ELOVL6: variants seen among roughly 807,000 people sequenced by gnomAD.
ELOVL6 encodes very long chain fatty acid elongase 6.
ELOVL6 carries 8 observed loss-of-function variants against 31.7 expected under a neutral mutation model. That is an observed-to-expected ratio of 0.25 (90% CI 0.15 to 0.45). ELOVL6 has a LOEUF of 0.45. Ranked by LOEUF, ELOVL6 falls within the 20% of genes least tolerant of loss-of-function variation. The probability of loss-of-function intolerance (pLI) is 1.00; values close to 1 mark genes in which losing one functional copy is unlikely to be tolerated. For missense variants in ELOVL6, 126 were observed against 326.4 expected, an observed-to-expected ratio of 0.39 and a Z score of 4.73; for synonymous variants, 101 against 117.7, an observed-to-expected ratio of 0.86 and a Z score of 0.92.
chr4:110,193,947 C>T (rs1404952161), intron 1 of ELOVL6, among the ~76,000 whole-genome samples: 1 of 152,180 alleles, frequency 6.6e-6, no homozygotes, highest in African/African-American at 2.4e-5. Flanking sequence ...GCACAGGCCT[C>T]CTGCTTTCCT....
In ELOVL6 at chr4:110,050,410, G is replaced by C. The variant is rs1754808842; in HGVS notation, c.*928C>G. Reference sequence around the variant, plus strand: ...CCTTTTCCAGCTCACAGTGGTCCTGGGCCGGGCCTTTTTACAAATACTACA... The same window carrying C: ...CCTTTTCCAGCTCACAGTGGTCCTGCGCCGGGCCTTTTTACAAATACTACA... On this transcript the variant is annotated 3_prime_UTR_variant, in exon 4 of 4. Coordinates refer to ENST00000302274, the MANE Select transcript of ELOVL6 (RefSeq NM_024090.3). The C allele has an allele frequency of 6.6e-6, 1 of 152,232 alleles. No homozygotes were observed. The highest frequency in any genetic ancestry group is 2.4e-5 in the African/African-American group (1 of 41,388). The allele number at this position is 152,232 out of a possible 1,614,324, so 9.4% of individuals were successfully genotyped here. A position where few individuals can be genotyped will look rare whatever the true frequency, so the allele number is the denominator to read the frequency against.
At chr4:110,084,651 GTGGCGTGATCTCGGCTCAC>G (rs558508378) in intron 2 of ELOVL6, among the ~76,000 whole-genome samples, 2,191 of 129,766 alleles carry the variant, frequency 0.017, 22 homozygotes, top group Non-Finnish European at 0.025. Context: ...CTGGAGTACA[GTGGCGTGATCTCGGCTCAC>G]TGCAACCTCC....
At chr4:110,097,290 G>A (rs1756608257) in intron 2 of ELOVL6, among the ~76,000 whole-genome samples, 1 of 124,034 alleles carries the variant, frequency 8.1e-6, no homozygotes, top group African/African-American at 3.2e-5. Flanking sequence ...GGGTGACAGA[G>A]CGAGACTCCA....
chr4:110,086,471 C>T (rs2126237225), intron 2 of ELOVL6, among the ~76,000 whole-genome samples: 1 of 152,280 alleles, frequency 6.6e-6, no homozygotes, highest in African/African-American at 2.4e-5. Context: ...AGCTAGTGTT[C>T]CAACTTGTTT....
chr4:110,106,977 T>A lies in ELOVL6; in HGVS notation c.90-1349A>T, dbSNP rs147563664. Among the ~76,000 whole-genome samples the A allele has an allele frequency of 1.7e-3, 265 of 152,334 alleles. 2 individuals are homozygous for A. Among genetic ancestry groups the A allele is most frequent in the African/African-American group, 5.9e-3 (247 of 41,570 alleles). ...GAGCATGTTTCCTGAGAAAGCAATG[T>A]TTCTCTTAAAATGGGTCTTCCCTAT... On this transcript the variant is annotated intron_variant, in intron 1 of 3. Coordinates refer to ENST00000302274, the MANE Select transcript of ELOVL6 (RefSeq NM_024090.3).
intron 2 of ELOVL6, among the ~76,000 whole-genome samples, chr4:110,084,568 A>ATTTT (rs1756174048): frequency 5.1e-5 from 2 of 39,502 alleles, no homozygotes; most frequent in Admixed American, 2.5e-4. Context: ...ACACAGATAT[A>ATTTT]TATATATATA....
At chr4:110,123,346 G>C (rs912941899) in intron 1 of ELOVL6, among the ~76,000 whole-genome samples, 2 of 152,164 alleles carry the variant, frequency 1.3e-5, no homozygotes, top group East Asian at 3.8e-4. Context: ...ATCTTGAAAT[G>C]ATTTAAATTA....
intron 2 of ELOVL6, among the ~76,000 whole-genome samples, chr4:110,073,202 C>T (rs765052208): frequency 6.6e-6 from 1 of 152,164 alleles, no homozygotes; most frequent in Non-Finnish European, 1.5e-5. Flanking sequence ...CCATACCACA[C>T]GTGCCGCCAA....
intron 2 of ELOVL6, among the ~76,000 whole-genome samples, chr4:110,060,612 A>G (rs1019327613): frequency 6.6e-6 from 1 of 152,150 alleles, no homozygotes; most frequent in African/African-American, 2.4e-5. Flanking sequence ...AAGAAACACA[A>G]CCTGCCATGG....
chr4:110,155,423 C>T (rs949761981), intron 1 of ELOVL6, among the ~76,000 whole-genome samples: 1 of 151,840 alleles, frequency 6.6e-6, no homozygotes, highest in African/African-American at 2.4e-5. Context: ...TTATTATTTA[C>T]AATAGTCAGA....
At chr4:110,097,868 C>T (rs1020685892) in intron 2 of ELOVL6, among the ~76,000 whole-genome samples, 28 of 151,188 alleles carry the variant, frequency 1.9e-4, no homozygotes, top group African/African-American at 6.6e-4. Context: ...CTGTAATTTA[C>T]AAATATGGCA....
chr4:110,188,705 T>C (rs1328147508), intron 1 of ELOVL6, among the ~76,000 whole-genome samples: 1 of 151,642 alleles, frequency 6.6e-6, no homozygotes, highest in Non-Finnish European at 1.5e-5. Context: ...CTGACCAACA[T>C]GGAAGAAACC....
intron 1 of ELOVL6, among the ~76,000 whole-genome samples, chr4:110,142,093 CG>C (rs1757982484): frequency 1.8e-5 from 2 of 109,258 alleles, no homozygotes; most frequent in Non-Finnish European, 3.5e-5. Flanking sequence ...TTTTTTGAGA[CG>C]GAGTCTCGCT....
At chr4:110,182,738 G>A (rs779301201) in intron 1 of ELOVL6, among the ~76,000 whole-genome samples, 3 of 151,980 alleles carry the variant, frequency 2.0e-5, no homozygotes, top group Non-Finnish European at 4.4e-5. Flanking sequence ...GAGAAACTCC[G>A]TCTCTACTAA....
At chr4:110,059,881 C>T (rs753250591) in intron 2 of ELOVL6, 127 bp from the exon 3 acceptor site, 8 of 779,036 alleles carry the variant, frequency 1.0e-5, no homozygotes, top group South Asian at 2.1e-5. Context: ...ATTTGTATTT[C>T]CTTGAAAGCA....
intron 2 of ELOVL6, among the ~76,000 whole-genome samples, chr4:110,073,192 C>G (rs1424576777): frequency 6.6e-6 from 1 of 152,172 alleles, no homozygotes; most frequent in Non-Finnish European, 1.5e-5. Flanking sequence ...TTTATCATCT[C>G]CATACCACAC....
At chr4:110,172,171 AC>A (rs1260721187) in intron 1 of ELOVL6, among the ~76,000 whole-genome samples, 1 of 152,016 alleles carries the variant, frequency 6.6e-6, no homozygotes, top group East Asian at 1.9e-4. Flanking sequence ...GGGGATTGGG[AC>A]TTTAACCTGT....
intron 2 of ELOVL6, among the ~76,000 whole-genome samples, chr4:110,066,541 A>G (rs575193911): frequency 1.1e-4 from 17 of 149,050 alleles, no homozygotes; most frequent in African/African-American, 4.2e-4. Context: ...CGGGAGGCTG[A>G]GACAGGAGAA....
chr4:110,096,284 C>A (rs566030526), intron 2 of ELOVL6, among the ~76,000 whole-genome samples: 1 of 152,178 alleles, frequency 6.6e-6, no homozygotes, highest in East Asian at 1.9e-4. Flanking sequence ...GTTGCATGGA[C>A]CCCAGTTAAA....
Sources: allele counts gnomAD v4.1 joint callset (sites outside exome capture counted in the v4.1 genomes callset), GRCh38; gene constraint gnomAD v4.1.1; transcripts MANE v1.5; gene names NCBI Gene and HGNC (gene_info 2026-07-23, HGNC 2026-07-21).